The following RARB variants were observed in gnomAD, a reference collection of about 807,000 sequenced individuals.
RARB encodes the protein retinoic acid receptor beta.
RARB carries 17 observed loss-of-function variants against 51.9 expected under a neutral mutation model. The ratio of observed to expected loss-of-function variants is 0.33; its 90% CI spans 0.22 to 0.49. The LOEUF (loss-of-function observed/expected upper bound fraction) is 0.49, where lower values mean the gene tolerates loss of function less well. Ranked by LOEUF, RARB falls within the 20% of genes least tolerant of loss-of-function variation. The pLI is 0.99. For synonymous variants in RARB, 215 were observed against 195.4 expected (o/e 1.10, Z -0.84); for missense variants, 369 against 550.8 (o/e 0.67, Z 3.30).
intron 2 of RARB, among the ~76,000 whole-genome samples, chr3:24,928,475 G>A (rs975550122): frequency 2.0e-5 from 3 of 151,864 alleles, no homozygotes; most frequent in African/African-American, 7.3e-5. Flanking sequence ...TGTACTTAAA[G>A]GAATCTTCTT....
intron 5 of RARB, among the ~76,000 whole-genome samples, chr3:25,413,812 CT>C (rs1021430374): frequency 3.3e-5 from 5 of 152,134 alleles, no homozygotes; most frequent in African/African-American, 9.7e-5. Context: ...CTGGCATGGT[CT>C]GCATTTATTC....
At chr3:25,596,364 T>C (rs1701830375) in intron 7 of RARB, 56 bp from the exon 8 acceptor site, 8 of 1,362,256 alleles carry the variant, frequency 5.9e-6, no homozygotes, top group Admixed American at 2.0e-5. Flanking sequence ...TCCCTGGTTA[T>C]CTGTCATAGC....
chr3:25,355,779 C>G (rs1705714389), intron 5 of RARB, among the ~76,000 whole-genome samples: 1 of 152,120 alleles, frequency 6.6e-6, no homozygotes, highest in Admixed American at 6.6e-5. Context: ...GTAAGAATCA[C>G]AAGATCCATT....
intron 4 of RARB, among the ~76,000 whole-genome samples, chr3:25,142,651 C>T (rs1203638098): frequency 3.3e-5 from 5 of 150,966 alleles, no homozygotes; most frequent in African/African-American, 4.9e-5. Context: ...CGTTTGCCAT[C>T]ATTAGCTTTG....
chr3:25,313,498 A>T (rs1704341605), intron 5 of RARB, among the ~76,000 whole-genome samples: 1 of 152,024 alleles, frequency 6.6e-6, no homozygotes. Flanking sequence ...TGGTTGTGAA[A>T]CTTCTTTGCC....
intron 5 of RARB, among the ~76,000 whole-genome samples, chr3:25,294,007 T>G (rs1703855438): frequency 1.3e-5 from 2 of 152,152 alleles, no homozygotes; most frequent in Admixed American, 1.3e-4. Flanking sequence ...TCAGCCCAAG[T>G]ATCACAGAGA....
At chr3:25,101,653 T>C (rs1355021448) in intron 3 of RARB, among the ~76,000 whole-genome samples, 1 of 152,006 alleles carries the variant, frequency 6.6e-6, no homozygotes, top group Non-Finnish European at 1.5e-5. Context: ...CTTTATGTTT[T>C]TTTTTTTTAT....
intron 4 of RARB, among the ~76,000 whole-genome samples, chr3:25,146,028 A>G (rs1485199989): frequency 6.6e-6 from 1 of 151,950 alleles, no homozygotes; most frequent in African/African-American, 2.4e-5. Flanking sequence ...CATGCCTAAG[A>G]GACATACTGA....
intron 3 of RARB, among the ~76,000 whole-genome samples, chr3:25,515,980 C>T (rs1365000485): frequency 6.6e-6 from 1 of 152,204 alleles, no homozygotes; most frequent in East Asian, 1.9e-4. Context: ...ATCTTCCTTC[C>T]TGTTAATACC....
chr3:25,424,268 A>G (rs1707930213), upstream of RARB, among the ~76,000 whole-genome samples: 1 of 152,224 alleles, frequency 6.6e-6, no homozygotes, highest in Admixed American at 6.5e-5. Flanking sequence ...GTCTTTTGGT[A>G]TAAGATCCAC....
intron 3 of RARB, among the ~76,000 whole-genome samples, chr3:25,560,879 G>A (rs1323572651): frequency 6.6e-6 from 1 of 152,088 alleles, no homozygotes; most frequent in African/African-American, 2.4e-5. Flanking sequence ...TTTCTTTAGT[G>A]GCTACAGGAC....
chr3:25,501,230 C>G lies in RARB; in HGVS notation c.355C>G (p.Arg119Gly), dbSNP rs397518481. ...IQKNMIYTCH[R>G]DKNCVINKVT... ...GAAGAATATGATTTACACTTGTCAC[C>G]GAGATAAGAACTGTGTTATTAATAA... Residue 119 changes from arginine to glycine, a missense_variant, in exon 3 of 8, where the codon CGA becomes GGA. By Grantham distance (125) the Arg-to-Gly change is moderately radical. Around this residue, in one of 9 missense-constraint regions of RARB, gnomAD observed 26 missense variants for 28.8 expected, o/e 0.90. Coordinates refer to ENST00000330688, the MANE Select transcript of RARB (RefSeq NM_000965.5). The G allele has an allele frequency of 6.2e-7, 1 of 1,608,678 alleles. No homozygotes were observed. The highest frequency in any genetic ancestry group is 8.5e-7 in the Non-Finnish European group (1 of 1,178,358).
rs537756946 is a variant in RARB at position 25,203,613 on chromosome 3, G to C, written c.178+29038G>C. Among the ~76,000 whole-genome samples the C allele has an allele frequency of 2.6e-5, 4 of 152,256 alleles. No homozygotes were observed. In the East Asian group the frequency reaches 5.8e-4, roughly 22 times the overall value. On this transcript the variant is annotated intron_variant, in intron 5 of 11. Transcript: ENST00000383772. Reference sequence around the variant, plus strand: ...TTTAGTGCTTCCTTCAGGAGCTCTTGTAGGGCAGGCCTGGTGGTGACAAAA... The same window carrying C: ...TTTAGTGCTTCCTTCAGGAGCTCTTCTAGGGCAGGCCTGGTGGTGACAAAA...
intron 5 of RARB, among the ~76,000 whole-genome samples, chr3:25,213,288 T>A (rs1281023776): frequency 6.6e-6 from 1 of 152,192 alleles, no homozygotes; most frequent in Non-Finnish European, 1.5e-5. Context: ...AGCTTTCTTT[T>A]GTACACTACA....
At chr3:25,007,592 C>CAAAAGAAAAAAAAAAAAAA (rs1697299446) in intron 2 of RARB, among the ~76,000 whole-genome samples, 1 of 45,418 alleles carries the variant, frequency 2.2e-5, no homozygotes, top group Non-Finnish European at 3.7e-5. Flanking sequence ...GAGACTGTCT[C>CAAAAGAAAAAAAAAAAAAA]AAAAAAAAAA....
At chr3:25,159,412 A>C (rs1005463691) in intron 4 of RARB, among the ~76,000 whole-genome samples, 549 of 141,514 alleles carry the variant, frequency 3.9e-3, no homozygotes, top group African/African-American at 5.5e-3. Flanking sequence ...CAGATGATCC[A>C]CCCCCCCCGC....
At chr3:25,278,791 C>CT (rs1703453975) in intron 5 of RARB, among the ~76,000 whole-genome samples, 1 of 152,178 alleles carries the variant, frequency 6.6e-6, no homozygotes, top group Non-Finnish European at 1.5e-5. Flanking sequence ...TGGGCCAGCA[C>CT]ATTCTACTCA....
intron 5 of RARB, among the ~76,000 whole-genome samples, chr3:25,364,124 T>A (rs1706039807): frequency 6.6e-6 from 1 of 152,214 alleles, no homozygotes; most frequent in Non-Finnish European, 1.5e-5. Context: ...AATTTATCTA[T>A]TCTTTTTTTG....
chr3:25,046,569 T>C (rs1278155640), intron 2 of RARB, among the ~76,000 whole-genome samples: 2 of 152,058 alleles, frequency 1.3e-5, no homozygotes, highest in Non-Finnish European at 2.9e-5. Flanking sequence ...TCTCCCACCT[T>C]AGCCTCCCTG....
Sources: allele counts gnomAD v4.1 joint callset (sites outside exome capture counted in the v4.1 genomes callset), GRCh38; gene constraint gnomAD v4.1.1; regional missense constraint gnomAD v4.1.1; transcripts MANE v1.5; gene names NCBI Gene and HGNC (gene_info 2026-07-23, HGNC 2026-07-21).